Variants in DGKE observed in about 807,000 individuals in gnomAD.
DGKE encodes DAG kinase epsilon.
DGKE carries 53 observed loss-of-function variants against 70.0 expected under a neutral mutation model. That is an observed-to-expected ratio of 0.76 (90% CI 0.61 to 0.95). DGKE has a LOEUF of 0.95. Among genes scored for constraint, DGKE ranks in the 40% least tolerant of loss-of-function variants. DGKE has a pLI of 0.00. For synonymous variants in DGKE, 291 were observed against 257.0 expected, an observed-to-expected ratio of 1.13 and a Z score of -1.27; for missense variants, 655 against 706.9, an observed-to-expected ratio of 0.93 and a Z score of 0.83.
intron 5 of DGKE, 52 bp downstream of exon 5, chr17:56,848,117 T>C (rs1190762975): frequency 2.4e-6 from 2 of 828,122 alleles, no homozygotes; most frequent in Non-Finnish European, 3.1e-6. Flanking sequence ...AAATATACTA[T>C]ACATATATAT....
chr17:56,843,394 A>G (rs983563356), intron 2 of DGKE, among the ~76,000 whole-genome samples: 7 of 152,160 alleles, frequency 4.6e-5, no homozygotes, highest in Non-Finnish European at 8.8e-5. Flanking sequence ...CTTCTGGAAA[A>G]TTCCACTGTA....
chr17:56,848,575 A>G, intron 5 of DGKE, 121 bp from the exon 6 acceptor site: 1 of 1,003,940 alleles, frequency 1.0e-6, no homozygotes, highest in Non-Finnish European at 1.4e-6. Flanking sequence ...AGCTTTAGCA[A>G]AACAACATAC....
chr17:56,844,077 GA>G lies in DGKE; in HGVS notation c.528del (p.Lys176AsnfsTer10). 1 of 1,578,138 alleles carries G rather than the reference GA, an allele frequency of 6.3e-7. No individual in the cohort carries two copies. Among genetic ancestry groups the G allele is most frequent in the Admixed American group, 1.9e-5 (1 of 51,798 alleles). On this transcript the variant is annotated frameshift_variant, in exon 3 of 12. Coordinates refer to ENST00000284061, the MANE Select transcript of DGKE (RefSeq NM_003647.3). LOFTEE classifies it high-confidence loss of function. ...DECMKNSLKN[E>X]KCDFGEFKNL... is the part of the protein sequence containing the mutation. ...GTGCATGAAAAATAGTTTAAAGAAT[GA>G]AAAATGTGATTTTGGAGAATTCAAA...
intron 9 of DGKE, among the ~76,000 whole-genome samples, chr17:56,859,595 A>G (rs1436097636): frequency 2.0e-5 from 3 of 151,564 alleles, no homozygotes; most frequent in Admixed American, 1.3e-4. Context: ...AATTTTTTGT[A>G]TTTTTAGTAG....
chr17:56,859,320 G>A (rs919437155), intron 9 of DGKE, among the ~76,000 whole-genome samples: 48 of 151,376 alleles, frequency 3.2e-4, no homozygotes, highest in Admixed American at 3.1e-3. Context: ...GCAAGACTCC[G>A]TCTCAAAAAA....
At position 56,869,142 on chromosome 17, in the gene DGKE, AC is replaced by A. The variant is rs1347237520; in HGVS notation, c.*6352del. ...AGTGCTTACAGGAGCTGGGCAAGCA[AC>A]GAAGGTAAGAGTTGTAGAGACTTCG... On this transcript the variant is annotated 3_prime_UTR_variant, in exon 12 of 12. Transcript: ENST00000284061. The A allele has an allele frequency of 6.6e-6, 1 of 152,210 alleles. No individual in the cohort carries two copies. Among genetic ancestry groups the A allele is most frequent in the East Asian group, 1.9e-4 (1 of 5,194 alleles). 9.4% of individuals were successfully genotyped at this position (152,210 alleles called of 1,614,324 possible). A position where few individuals can be genotyped will look rare whatever the true frequency, so the allele number is the denominator to read the frequency against.
rs1178900857 is a variant in DGKE at position 56,838,220 on chromosome 17, CAGTT to C, written c.464+2964_464+2967del. On this transcript the variant is annotated intron_variant, in intron 2 of 11. Coordinates refer to ENST00000284061, the MANE Select transcript of DGKE (RefSeq NM_003647.3). ...AACAAAGCTGCTGACTCTCAGAAGGCAGTTAGATTGGCCTCAGTGTAACTAGTCT... is the reference window on the plus strand; with the variant it reads ...AACAAAGCTGCTGACTCTCAGAAGGCAGATTGGCCTCAGTGTAACTAGTCT... 3.9e-5 allele frequency among the ~76,000 whole-genome samples: 6 copies of C among 152,150 alleles called. 1 individual carries two copies. The East Asian group carries it at 9.6e-4, about 24-fold the overall frequency.
Position 56,866,857 on chromosome 17 carries a change from T to C in DGKE, c.*4066T>C, listed in dbSNP as rs1908543391. 1 of 152,250 alleles carries C rather than the reference T, an allele frequency of 6.6e-6. No individual in the cohort carries two copies. Among genetic ancestry groups the C allele is most frequent in the Non-Finnish European group, 1.5e-5 (1 of 68,036 alleles). 9.4% of individuals were successfully genotyped at this position (152,250 alleles called of 1,614,324 possible). On this transcript the variant is annotated 3_prime_UTR_variant, in exon 12 of 12. Coordinates refer to ENST00000284061, the MANE Select transcript of DGKE (RefSeq NM_003647.3). ...TTATAAAGGGTTTGAAAGCCACTAC[T>C]ATAATGACTTTGTCACCTAATTGAT...
At chr17:56,854,454 A>C (rs1034638787) in intron 7 of DGKE, among the ~76,000 whole-genome samples, 1 of 152,038 alleles carries the variant, frequency 6.6e-6, no homozygotes, top group African/African-American at 2.4e-5. Context: ...GACTACAGGC[A>C]CATGCCACCA....
chr17:56,834,170 C>T lies in DGKE; in HGVS notation c.-109C>T, dbSNP rs1007984572. ...AGCCTTAAGCGTTTCCCCCGCCCGG[C>T]TTCATCCCTGCTGGCGGCCCAGCGT... On this transcript the variant is annotated 5_prime_UTR_variant, in exon 1 of 12. Coordinates refer to ENST00000284061, the MANE Select transcript of DGKE (RefSeq NM_003647.3). The T allele has an allele frequency of 6.6e-6, 1 of 152,408 alleles. No homozygotes were observed. Among genetic ancestry groups the T allele is most frequent in the African/African-American group, 2.4e-5 (1 of 41,462 alleles). 9.4% of individuals were successfully genotyped at this position (152,408 alleles called of 1,614,324 possible).
In DGKE at chr17:56,862,899, C is replaced by A; in HGVS notation, c.*108C>A. The A allele has an allele frequency of 1.0e-6, 1 of 972,648 alleles. No individual in the cohort carries two copies. Among genetic ancestry groups the A allele is most frequent in the Non-Finnish European group, 1.4e-6 (1 of 721,984 alleles). 60.3% of individuals were successfully genotyped at this position (972,648 alleles called of 1,614,324 possible). The stretch of plus-strand genomic sequence containing the variant: ...TATCAGCTATTCAGTCTTAATTTCA[C>A]TAGTAGTATAATGGGTATACATTTT... On this transcript the variant is annotated 3_prime_UTR_variant, in exon 12 of 12. Transcript: ENST00000284061.
intron 4 of DGKE, chr17:56,847,535 T>A (rs1235660780): frequency 6.6e-6 from 1 of 152,638 alleles, no homozygotes; most frequent in African/African-American, 2.4e-5. Flanking sequence ...GATTTCACCA[T>A]GTTGGCCAGG....
At chr17:56,841,940 A>G (rs2144214775) in intron 2 of DGKE, among the ~76,000 whole-genome samples, 1 of 152,228 alleles carries the variant, frequency 6.6e-6, no homozygotes, top group African/African-American at 2.4e-5. Context: ...GACTACAGGC[A>G]CACGTTACCA....
At position 56,868,944 on chromosome 17, in the gene DGKE, A is replaced by G. The variant is rs145118230; in HGVS notation, c.*6153A>G. ...GCAGAGTAGAGCAGTAAGTGGGATC[A>G]AAGGTGAATTCACCTTATTTTCAGT... On this transcript the variant is annotated 3_prime_UTR_variant, in exon 12 of 12. Coordinates refer to ENST00000284061, the MANE Select transcript of DGKE (RefSeq NM_003647.3). 1 of 152,358 alleles carries G rather than the reference A, an allele frequency of 6.6e-6. No individual in the cohort carries two copies. Among genetic ancestry groups the G allele is most frequent in the Non-Finnish European group, 1.5e-5 (1 of 68,030 alleles). The allele number at this position is 152,358 out of a possible 1,614,324, so 9.4% of individuals were successfully genotyped here.
intron 7 of DGKE, 51 bp downstream of exon 7, chr17:56,849,283 A>G: frequency 6.6e-7 from 1 of 1,524,350 alleles, no homozygotes; most frequent in African/African-American, 1.4e-5. Context: ...ATTGCACAAG[A>G]TACGGCACTC....
intron 7 of DGKE, among the ~76,000 whole-genome samples, chr17:56,852,438 G>T (rs980702671): frequency 6.6e-6 from 1 of 151,506 alleles, no homozygotes; most frequent in East Asian, 1.9e-4. Context: ...AAGAAGTAAT[G>T]ATCTGATTAT....
intron 11 of DGKE, 119 bp downstream of exon 11, chr17:56,862,370 T>TCA: frequency 9.9e-7 from 1 of 1,013,858 alleles, no homozygotes; most frequent in East Asian, 2.6e-5. Flanking sequence ...ATGCAGCTGG[T>TCA]CACTGTACAC....
chr17:56,838,189 T>C (rs983668285), intron 2 of DGKE, among the ~76,000 whole-genome samples: 1 of 152,228 alleles, frequency 6.6e-6, no homozygotes, highest in Non-Finnish European at 1.5e-5. Flanking sequence ...TTACTGTGAT[T>C]AGTAAAACAA....
At chr17:56,841,079 C>T (rs955412529) in intron 2 of DGKE, among the ~76,000 whole-genome samples, 1 of 151,776 alleles carries the variant, frequency 6.6e-6, no homozygotes, top group African/African-American at 2.4e-5. Flanking sequence ...GGTGAAACCC[C>T]GTCTCTACTA....
Sources: allele counts gnomAD v4.1 joint callset (sites outside exome capture counted in the v4.1 genomes callset), GRCh38; gene constraint gnomAD v4.1.1; transcripts MANE v1.5; gene names NCBI Gene and HGNC (gene_info 2026-07-23, HGNC 2026-07-21).